LRP1B: variants seen among roughly 807,000 people sequenced by gnomAD.
LRP1B encodes the protein LDL receptor related protein 1B.
In LRP1B, 217 loss-of-function variants were observed where a neutral mutation model predicts 556.6. The observed-to-expected ratio is 0.39, with a 90% CI of 0.35 to 0.44. The LOEUF is 0.44. LRP1B is among the 20% of genes least tolerant of loss of function. LRP1B has a pLI of 1.00. For missense variants in LRP1B, 5,053 were observed against 5,620.8 expected (o/e 0.90, Z 3.23); for synonymous variants, 2,047 against 1,865.8 (o/e 1.10, Z -2.50).
intron 35 of LRP1B, among the ~76,000 whole-genome samples, chr2:140,723,103 T>G (rs1687472810): frequency 6.6e-6 from 1 of 152,140 alleles, no homozygotes; most frequent in African/African-American, 2.4e-5. Flanking sequence ...TTCATCTTCT[T>G]CATCAATGCT....
At chr2:141,268,798 A>C (rs961032320) in intron 3 of LRP1B, among the ~76,000 whole-genome samples, 1 of 152,158 alleles carries the variant, frequency 6.6e-6, no homozygotes, top group Admixed American at 6.6e-5. Flanking sequence ...AACAACAGAC[A>C]CAGCCAAAAC....
At chr2:142,025,965 A>G (rs931437394) in intron 1 of LRP1B, among the ~76,000 whole-genome samples, 1 of 152,126 alleles carries the variant, frequency 6.6e-6, no homozygotes, top group African/African-American at 2.4e-5. Context: ...CTGTAAGCTC[A>G]CAGAGAGTGA....
intron 23 of LRP1B, among the ~76,000 whole-genome samples, chr2:140,891,950 T>C (rs1693811589): frequency 6.6e-6 from 1 of 152,136 alleles, no homozygotes; most frequent in Non-Finnish European, 1.5e-5. Context: ...ATTCTTTTCA[T>C]TAACAAGTTG....
chr2:141,247,101 A>G, intron 5 of LRP1B, 125 bp downstream of exon 5: 1 of 1,090,676 alleles, frequency 9.2e-7, no homozygotes, highest in Non-Finnish European at 1.3e-6. Flanking sequence ...GAAGTGTATT[A>G]AAATGAAAGC....
chr2:142,019,075 T>C (rs1248182482), intron 1 of LRP1B, among the ~76,000 whole-genome samples: 1 of 152,232 alleles, frequency 6.6e-6, no homozygotes, highest in African/African-American at 2.4e-5. Flanking sequence ...GTTTAAATTG[T>C]CACTTGCAGA....
intron 2 of LRP1B, among the ~76,000 whole-genome samples, chr2:141,548,847 G>A (rs972105194): frequency 3.3e-5 from 5 of 152,018 alleles, no homozygotes; most frequent in African/African-American, 1.2e-4. Flanking sequence ...TTTTCTCATT[G>A]CATGTCCTAA....
chr2:140,902,401 C>A (rs1007868791), intron 23 of LRP1B, among the ~76,000 whole-genome samples: 2 of 152,080 alleles, frequency 1.3e-5, no homozygotes, highest in African/African-American at 4.8e-5. Flanking sequence ...TGCCTAGGGT[C>A]ACATAAAGAA....
At chr2:141,578,519 C>T (rs1360618732) in intron 2 of LRP1B, among the ~76,000 whole-genome samples, 2 of 151,988 alleles carry the variant, frequency 1.3e-5, no homozygotes, top group Non-Finnish European at 2.9e-5. Context: ...TCCATTAGGC[C>T]TTATGTATGT....
intron 35 of LRP1B, among the ~76,000 whole-genome samples, chr2:140,745,880 A>G (rs1368010646): frequency 6.6e-6 from 1 of 152,230 alleles, no homozygotes; most frequent in African/African-American, 2.4e-5. Flanking sequence ...AAGTAATTCA[A>G]TAAACTAATC....
chr2:140,495,610 A>G lies in LRP1B; in HGVS notation c.8989T>C (p.Tyr2997His). The G allele has an allele frequency of 1.9e-6, 3 of 1,606,888 alleles. No homozygotes were observed. The highest frequency in any genetic ancestry group is 2.6e-6 in the Non-Finnish European group (3 of 1,174,698). ...TTTGGGTTATCAGGTTGTATTTCAT[A>G]CCCATCTGTACAGAGGCACTTGTAA... is the stretch of plus-strand genomic sequence containing the variant. ...GTYKCLCTDG[Y>H]EIQPDNPNGC... Residue 2997 changes from tyrosine (Y) to histidine (H), a missense_variant, in exon 56 of 91, where the codon TAT becomes CAT. Transcript: ENST00000389484.
intron 3 of LRP1B, among the ~76,000 whole-genome samples, chr2:141,285,183 C>T (rs1375957026): frequency 1.3e-5 from 2 of 151,316 alleles, no homozygotes; most frequent in East Asian, 1.9e-4. Flanking sequence ...CTGCACCCTC[C>T]GCCTCCCAGG....
intron 3 of LRP1B, among the ~76,000 whole-genome samples, chr2:141,327,103 T>C (rs886656701): frequency 7.9e-5 from 12 of 152,084 alleles, no homozygotes; most frequent in African/African-American, 2.7e-4. Flanking sequence ...GAACTTAAAA[T>C]GACTCGCAGA....
intron 7 of LRP1B, among the ~76,000 whole-genome samples, chr2:141,122,739 C>G (rs951339970): frequency 6.6e-6 from 1 of 152,136 alleles, no homozygotes; most frequent in African/African-American, 2.4e-5. Context: ...ACCCAGCCAT[C>G]CCATTACTGG....
chr2:140,331,860 T>G lies in LRP1B; in HGVS notation c.12223+2593A>C, dbSNP rs900711875. Among the ~76,000 whole-genome samples, 7 of 151,876 alleles carry G rather than the reference T, an allele frequency of 4.6e-5. No homozygotes were observed. The South Asian group carries it at 6.2e-4, about 14-fold the overall frequency. On this transcript the variant is annotated intron_variant, in intron 79 of 90. Transcript: ENST00000389484. ...ACAGGTACATACCACCATGCCTGGC[T>G]TATTTTTTGTATTTTTAGTAGAGGC...
intron 7 of LRP1B, among the ~76,000 whole-genome samples, chr2:141,187,427 G>A (rs906152510): frequency 1.3e-5 from 2 of 151,770 alleles, no homozygotes; most frequent in African/African-American, 4.8e-5. Flanking sequence ...TGGCAGTTTA[G>A]GATATGTTCC....
At chr2:141,668,137 A>G (rs1238591718) in intron 2 of LRP1B, among the ~76,000 whole-genome samples, 2 of 152,192 alleles carry the variant, frequency 1.3e-5, no homozygotes, top group African/African-American at 2.4e-5. Context: ...AGGTTCCATC[A>G]GCCTTCAATA....
intron 28 of LRP1B, 51 bp downstream of exon 28, chr2:140,851,601 G>A (rs2105121107): frequency 1.9e-6 from 3 of 1,573,908 alleles, no homozygotes; most frequent in South Asian, 1.2e-5. Flanking sequence ...AATATAATTT[G>A]AGAGAATTCA....
At chr2:140,584,871 T>A (rs1332044275) in intron 43 of LRP1B, among the ~76,000 whole-genome samples, 1 of 144,264 alleles carries the variant, frequency 6.9e-6, no homozygotes, top group Non-Finnish European at 1.5e-5. Flanking sequence ...AATTTTGATT[T>A]TGGCCTTTTC....
intron 2 of LRP1B, among the ~76,000 whole-genome samples, chr2:141,651,402 G>A (rs556371869): frequency 2.2e-4 from 34 of 152,268 alleles, no homozygotes; most frequent in Non-Finnish European, 4.0e-4. Flanking sequence ...GGTGGTTTAC[G>A]CCTGTAATCC....
Sources: allele counts gnomAD v4.1 joint callset (sites outside exome capture counted in the v4.1 genomes callset), GRCh38; gene constraint gnomAD v4.1.1; transcripts MANE v1.5; gene names NCBI Gene and HGNC (gene_info 2026-07-23, HGNC 2026-07-21).